The following SAMD12 variants were observed in gnomAD, a reference collection of about 807,000 sequenced individuals.
The protein encoded by SAMD12 is sterile alpha motif domain-containing protein 12.
SAMD12 carries 9 observed loss-of-function variants against 15.0 expected under a neutral mutation model. That is an observed-to-expected ratio of 0.60 (90% confidence interval 0.36 to 1.05). SAMD12 has a LOEUF of 1.05. SAMD12 is among the 50% of genes least tolerant of loss of function. The pLI is 0.01. For synonymous variants in SAMD12, 86 were observed against 90.1 expected, an observed-to-expected ratio of 0.96 and a Z score of 0.25; for missense variants, 230 against 234.2, an observed-to-expected ratio of 0.98 and a Z score of 0.12.
intron 2 of SAMD12, among the ~76,000 whole-genome samples, chr8:118,478,644 G>A (rs1026831510): frequency 1.3e-5 from 2 of 152,252 alleles, no homozygotes; most frequent in Non-Finnish European, 2.9e-5. Context: ...TGGCAGAACT[G>A]ACCAGGCAGT....
In SAMD12 at chr8:118,573,503, A is replaced by G. The variant is rs115253010; in HGVS notation, c.192+7212T>C. Among the ~76,000 whole-genome samples the G allele has an allele frequency of 7.1e-3, 1,074 of 152,280 alleles. 13 individuals carry two copies. Among genetic ancestry groups the G allele is most frequent in the African/African-American group, 0.024 (978 of 41,558 alleles). ...TTTTTGGTCTTTGAGGAATCACCATACTGTCTTTCACAATGAATCTAAGTG... is the reference window on the plus strand; with the variant it reads ...TTTTTGGTCTTTGAGGAATCACCATGCTGTCTTTCACAATGAATCTAAGTG... On this transcript the variant is annotated intron_variant, in intron 2 of 3. Coordinates refer to ENST00000314727, the MANE Select transcript of SAMD12 (RefSeq NM_207506.3).
intron 2 of SAMD12, among the ~76,000 whole-genome samples, chr8:118,535,570 C>T (rs1005603849): frequency 2.5e-4 from 38 of 152,214 alleles, no homozygotes; most frequent in Non-Finnish European, 4.7e-4. Context: ...GGCAGGCAGA[C>T]CTCCTTGAGC....
intron 4 of SAMD12, among the ~76,000 whole-genome samples, chr8:118,200,261 G>GT (rs1819677354): frequency 6.6e-6 from 1 of 152,010 alleles, no homozygotes; most frequent in Non-Finnish European, 1.5e-5. Flanking sequence ...ACCAGACTTA[G>GT]GTGTGTCCCC....
intron 1 of SAMD12, among the ~76,000 whole-genome samples, chr8:118,607,029 C>T (rs1400077302): frequency 6.6e-6 from 1 of 152,124 alleles, no homozygotes; most frequent in African/African-American, 2.4e-5. Context: ...AAGGCCTAAC[C>T]TCTCCAGAAT....
In SAMD12 at chr8:118,302,559, A is replaced by C. The variant is rs1469635693; in HGVS notation, c.433+77001T>G. Among the ~76,000 whole-genome samples, 4 of 152,226 alleles carry C rather than the reference A, an allele frequency of 2.6e-5. No homozygotes were observed. In the East Asian group the frequency reaches 7.7e-4, roughly 29 times the overall value. On this transcript the variant is annotated intron_variant, in intron 4 of 4. Transcript: ENST00000409003. Reference sequence around the variant, plus strand: ...ATCCATGTCCTGGTTCTAAGAAAAGAGTCTCCTACAATCTCTTACTTTCCA... The same window carrying C: ...ATCCATGTCCTGGTTCTAAGAAAAGCGTCTCCTACAATCTCTTACTTTCCA...
chr8:118,297,206 A>G (rs1303977225), intron 4 of SAMD12, among the ~76,000 whole-genome samples: 7 of 152,310 alleles, frequency 4.6e-5, no homozygotes, highest in Admixed American at 4.6e-4. Flanking sequence ...CATGTTCACC[A>G]TGGCTCACCA....
chr8:118,383,606 G>C (rs1396670448), intron 3 of SAMD12, among the ~76,000 whole-genome samples: 1 of 152,114 alleles, frequency 6.6e-6, no homozygotes, highest in Non-Finnish European at 1.5e-5. Flanking sequence ...ATACAGAGAA[G>C]GACCAAGGAG....
intron 4 of SAMD12, among the ~76,000 whole-genome samples, chr8:118,225,624 A>G (rs1812173410): frequency 6.6e-6 from 1 of 152,194 alleles, no homozygotes; most frequent in South Asian, 2.1e-4. Flanking sequence ...TCTCCAAAAG[A>G]GCATGTTAAG....
intron 2 of SAMD12, among the ~76,000 whole-genome samples, chr8:118,448,101 C>CA (rs370600103): frequency 2.9e-4 from 44 of 152,280 alleles, no homozygotes; most frequent in South Asian, 1.0e-3. Flanking sequence ...TCCTATTGCT[C>CA]AAAAATGCCA....
chr8:118,179,988 C>T, the SAMD12 span, among the ~76,000 whole-genome samples: 11 of 152,222 alleles, frequency 7.2e-5, no homozygotes, highest in Non-Finnish European at 1.3e-4. Context: ...AAACAACACT[C>T]AGCATCAAAG....
the SAMD12 span, among the ~76,000 whole-genome samples, chr8:118,151,096 G>A: frequency 1.3e-5 from 2 of 151,646 alleles, no homozygotes; most frequent in Admixed American, 6.6e-5. Flanking sequence ...ATCTTAAAAC[G>A]TTTCTCCACT....
chr8:118,325,566 TC>T (rs1299780178), intron 4 of SAMD12, among the ~76,000 whole-genome samples: 1 of 152,214 alleles, frequency 6.6e-6, no homozygotes, highest in African/African-American at 2.4e-5. Flanking sequence ...CACACAGTTA[TC>T]TTTTTTGTGT....
intron 4 of SAMD12, among the ~76,000 whole-genome samples, chr8:118,281,917 C>T (rs1238327286): frequency 6.6e-6 from 1 of 152,192 alleles, no homozygotes; most frequent in Non-Finnish European, 1.5e-5. Context: ...CTTCCCCCAG[C>T]TAGGGATAGA....
intron 2 of SAMD12, among the ~76,000 whole-genome samples, chr8:118,469,273 G>A (rs776998072): frequency 6.6e-6 from 1 of 150,658 alleles, no homozygotes; most frequent in Non-Finnish European, 1.5e-5. Context: ...TATGCTGCAG[G>A]ATTTTCAGCA....
intron 2 of SAMD12, among the ~76,000 whole-genome samples, chr8:118,442,345 C>T (rs987575160): frequency 3.9e-5 from 6 of 152,168 alleles, no homozygotes; most frequent in East Asian, 1.9e-4. Context: ...GTGACTTTCA[C>T]GTTCAGCCCT....
At chr8:118,273,943 G>A (rs1206095828) in intron 4 of SAMD12, among the ~76,000 whole-genome samples, 1 of 152,184 alleles carries the variant, frequency 6.6e-6, no homozygotes, top group East Asian at 1.9e-4. Flanking sequence ...TCTATCCAGT[G>A]TCTACTTTGT....
At chr8:118,202,162 G>T (rs1819732911) in intron 4 of SAMD12, among the ~76,000 whole-genome samples, 1 of 86,742 alleles carries the variant, frequency 1.2e-5, no homozygotes, top group Non-Finnish European at 3.1e-5. Flanking sequence ...TTTGCGTGGT[G>T]TTTAGTAAAT....
At chr8:118,256,767 A>T (rs1479880616) in intron 4 of SAMD12, among the ~76,000 whole-genome samples, 1 of 145,818 alleles carries the variant, frequency 6.9e-6, no homozygotes, top group Non-Finnish European at 1.5e-5. Context: ...AATGTAATAT[A>T]TCTGCATAAG....
At chr8:118,565,141 C>T (rs1344141522) in intron 2 of SAMD12, among the ~76,000 whole-genome samples, 1 of 152,124 alleles carries the variant, frequency 6.6e-6, no homozygotes, top group Non-Finnish European at 1.5e-5. Flanking sequence ...CCCTCATATT[C>T]CTACAGGAAA....
Sources: gnomAD v4.1 joint callset for allele counts (sites outside exome capture counted in the v4.1 genomes callset) on GRCh38, gnomAD v4.1.1 for gene constraint, MANE v1.5 for transcripts, NCBI Gene and HGNC (gene_info 2026-07-23, HGNC 2026-07-21) for gene names.